SORCS2: variants seen among roughly 807,000 people sequenced by gnomAD.
SORCS2 encodes VPS10 domain-containing receptor SorCS2.
A neutral mutation model predicts 141.6 loss-of-function variants in SORCS2; 100 were observed. The observed-to-expected ratio is 0.71, with a 90% confidence interval of 0.60 to 0.83. The LOEUF (loss-of-function observed/expected upper bound fraction) is 0.83. SORCS2 is among the 40% of genes least tolerant of loss of function. SORCS2 has a pLI of 0.00. For synonymous variants in SORCS2, 789 were observed against 676.9 expected (o/e 1.17, Z -2.57); for missense variants, 1,646 against 1,560.2 (o/e 1.05, Z -0.93).
At chr4:7,326,296 G>A (rs1169469507) in intron 1 of SORCS2, among the ~76,000 whole-genome samples, 2 of 152,066 alleles carry the variant, frequency 1.3e-5, no homozygotes, top group Non-Finnish European at 2.9e-5. Flanking sequence ...CAGAGTCCTT[G>A]AGTCCACAGG....
At position 7,245,284 on chromosome 4, in the gene SORCS2, G is replaced by A. The variant is rs185950278; in HGVS notation, c.480+52158G>A. On this transcript the variant is annotated intron_variant, in intron 1 of 26. Transcript: ENST00000507866. ...GCCACAGTGGTCCACCCCCCACCCCGGCTTGGCTTACCTGGACCTGGTGCG... is the reference window on the plus strand; with the variant it reads ...GCCACAGTGGTCCACCCCCCACCCCAGCTTGGCTTACCTGGACCTGGTGCG... Among the ~76,000 whole-genome samples the A allele has an allele frequency of 4.1e-3, 628 of 152,276 alleles. 7 individuals are homozygous for A. Among genetic ancestry groups the A allele is most frequent in the South Asian group, 6.4e-3 (31 of 4,826 alleles).
chr4:7,252,595 G>C (rs777450207), intron 1 of SORCS2, among the ~76,000 whole-genome samples: 2 of 152,142 alleles, frequency 1.3e-5, no homozygotes, highest in Non-Finnish European at 2.9e-5. Context: ...CTTTGCACCA[G>C]ACAGCGACTC....
rs191092148 is a variant in SORCS2, at chr4:7,215,068, G to A, written c.480+21942G>A. ...TTCAGCCCACCGCTGCACTGTGGGA[G>A]CCCCTTCCTGGGCTGGCCAAGGCAG... On this transcript the variant is annotated intron_variant, in intron 1 of 26. Coordinates refer to ENST00000507866, the MANE Select transcript of SORCS2 (RefSeq NM_020777.3). 1.6e-3 allele frequency among the ~76,000 whole-genome samples: 250 copies of A among 152,280 alleles called. 1 individual carries two copies. The highest frequency in any genetic ancestry group is 5.2e-3 in the African/African-American group (216 of 41,574).
intron 2 of SORCS2, among the ~76,000 whole-genome samples, chr4:7,478,404 T>C (rs1246440098): frequency 1.3e-5 from 2 of 151,020 alleles, no homozygotes; most frequent in Admixed American, 6.6e-5. Flanking sequence ...TTTAAAAGAG[T>C]ACCGCCACCC....
At chr4:7,277,593 A>G (rs952796180) in intron 1 of SORCS2, among the ~76,000 whole-genome samples, 1 of 152,176 alleles carries the variant, frequency 6.6e-6, no homozygotes, top group African/African-American at 2.4e-5. Flanking sequence ...CTTGAAAGTC[A>G]GGGGGAGAGA....
chr4:7,375,412 C>T (rs1193470767), intron 1 of SORCS2, among the ~76,000 whole-genome samples: 1 of 152,228 alleles, frequency 6.6e-6, no homozygotes, highest in Non-Finnish European at 1.5e-5. Context: ...TGAGAGATCT[C>T]AGTTCCCTGG....
Position 7,286,356 on chromosome 4 carries a change from T to C in SORCS2, c.480+93230T>C, listed in dbSNP as rs1480247888. Among the ~76,000 whole-genome samples, 3 of 152,154 alleles carry C rather than the reference T, an allele frequency of 2.0e-5. No individual in the cohort carries two copies. Among genetic ancestry groups the C allele is most frequent in the African/African-American group, 7.2e-5 (3 of 41,444 alleles). ...GCAGCGGAAGAGCCTGGGGTGGCTC[T>C]GGGGCTGGGTTGGGGAGCTACCTAC... On this transcript the variant is annotated intron_variant, in intron 1 of 26. Coordinates refer to ENST00000507866, the MANE Select transcript of SORCS2 (RefSeq NM_020777.3). The surrounding 1 kb of genome is among the most constrained non-coding windows in gnomAD (Gnocchi z 4.1).
At chr4:7,363,005 G>A (rs1254262347) in intron 1 of SORCS2, among the ~76,000 whole-genome samples, 1 of 147,022 alleles carries the variant, frequency 6.8e-6, no homozygotes, top group Non-Finnish European at 1.5e-5. Flanking sequence ...CCATCCTACT[G>A]CTATCATCAT....
At chr4:7,739,051 T>C (rs1712437351) in intron 26 of SORCS2, among the ~76,000 whole-genome samples, 1 of 152,116 alleles carries the variant, frequency 6.6e-6, no homozygotes, top group Non-Finnish European at 1.5e-5. Context: ...GCTCAGCGCC[T>C]CCCAGACACC....
chr4:7,428,122 G>A (rs1469639150), intron 2 of SORCS2, among the ~76,000 whole-genome samples: 1 of 152,170 alleles, frequency 6.6e-6, no homozygotes, highest in African/African-American at 2.4e-5. Context: ...GGCTTCACCT[G>A]GACCATGGAG....
intron 1 of SORCS2, among the ~76,000 whole-genome samples, chr4:7,337,111 G>A (rs945512940): frequency 3.9e-5 from 6 of 152,174 alleles, no homozygotes; most frequent in East Asian, 1.9e-4. Context: ...ACCCACTCCC[G>A]TCTGGAGCCT....
intron 3 of SORCS2, among the ~76,000 whole-genome samples, chr4:7,636,163 G>C (rs1720234996): frequency 6.6e-6 from 1 of 151,980 alleles, no homozygotes; most frequent in African/African-American, 2.4e-5. Context: ...ATTCTGCGTA[G>C]GCGCACCCTG....
At chr4:7,369,598 G>A (rs1451788029) in intron 1 of SORCS2, among the ~76,000 whole-genome samples, 1 of 152,204 alleles carries the variant, frequency 6.6e-6, no homozygotes, top group Non-Finnish European at 1.5e-5. Flanking sequence ...AGAGAGTTCA[G>A]TTTGGAGTGC....
At chr4:7,570,048 A>G (rs1394494993) in intron 3 of SORCS2, among the ~76,000 whole-genome samples, 1 of 152,204 alleles carries the variant, frequency 6.6e-6, no homozygotes. Context: ...AATCCACTGC[A>G]GCTGAGAGCA....
chr4:7,394,880 C>A (rs557044555), intron 1 of SORCS2, among the ~76,000 whole-genome samples: 2 of 152,048 alleles, frequency 1.3e-5, no homozygotes, highest in Non-Finnish European at 2.9e-5. Flanking sequence ...TGGATGGGGC[C>A]GGATCAAACA....
At chr4:7,665,772 G>A (rs1047591841) in intron 7 of SORCS2, among the ~76,000 whole-genome samples, 6 of 152,214 alleles carry the variant, frequency 3.9e-5, no homozygotes, top group Admixed American at 2.6e-4. Flanking sequence ...CTAAGTACCA[G>A]AGCAAAGACA....
chr4:7,236,087 G>C (rs1403969034), intron 1 of SORCS2, among the ~76,000 whole-genome samples: 1 of 152,232 alleles, frequency 6.6e-6, no homozygotes, highest in Non-Finnish European at 1.5e-5. Flanking sequence ...GTGCCTGTTG[G>C]CCTTCAGACA....
chr4:7,366,741 C>T (rs868766734), intron 1 of SORCS2, among the ~76,000 whole-genome samples: 51 of 152,128 alleles, frequency 3.4e-4, no homozygotes, highest in Middle Eastern at 6.8e-3. Flanking sequence ...CCTGTGTGCT[C>T]ACCACATGTG....
At chr4:7,517,185 C>T (rs970100171) in intron 2 of SORCS2, among the ~76,000 whole-genome samples, 1 of 152,174 alleles carries the variant, frequency 6.6e-6, no homozygotes, top group Non-Finnish European at 1.5e-5. Flanking sequence ...GTCTGTGGGT[C>T]AGTGTTAGTG....
Sources: gnomAD v4.1 joint callset for allele counts (sites outside exome capture counted in the v4.1 genomes callset) on GRCh38, gnomAD v4.1.1 for gene constraint, Gnocchi (gnomAD v3.1) non-coding constraint, MANE v1.5 for transcripts, NCBI Gene and HGNC (gene_info 2026-07-23, HGNC 2026-07-21) for gene names.